Variants in GTF2F2 observed in about 807,000 individuals in gnomAD.
GTF2F2 encodes ATP-dependent helicase GTF2F2.
A neutral mutation model predicts 42.2 loss-of-function variants in GTF2F2; 23 were observed. The ratio of observed to expected loss-of-function variants is 0.55; its 90% confidence interval spans 0.39 to 0.77. The LOEUF is 0.77. Ranked by LOEUF, GTF2F2 falls within the 30% of genes least tolerant of loss-of-function variation. The pLI is 0.00. For missense variants in GTF2F2, 261 were observed against 287.2 expected (o/e 0.91, Z 0.66); for synonymous variants, 105 against 100.8 (o/e 1.04, Z -0.25).
chr13:45,174,641 T>TC (rs1173606411), intron 4 of GTF2F2, among the ~76,000 whole-genome samples: 4 of 149,038 alleles, frequency 2.7e-5, no homozygotes, highest in Admixed American at 2.7e-4. Flanking sequence ...TTTCTTTTTT[T>TC]TTTTTTTTTT....
intron 2 of GTF2F2, among the ~76,000 whole-genome samples, chr13:45,143,789 A>C (rs555070112): frequency 7.2e-5 from 11 of 152,312 alleles, no homozygotes; most frequent in African/African-American, 2.6e-4. Context: ...TTAATACTCG[A>C]AAAAAGGAGA....
At chr13:45,122,830 G>A (rs1284658922) in intron 1 of GTF2F2, among the ~76,000 whole-genome samples, 2 of 151,934 alleles carry the variant, frequency 1.3e-5, no homozygotes, top group African/African-American at 4.8e-5. Flanking sequence ...GATATCTCAC[G>A]GTTTATAGAT....
At chr13:45,182,003 G>A (rs1477122915) in intron 4 of GTF2F2, among the ~76,000 whole-genome samples, 1 of 152,098 alleles carries the variant, frequency 6.6e-6, no homozygotes, top group Non-Finnish European at 1.5e-5. Flanking sequence ...CCGCCCTGCT[G>A]GCTGAAGCTT....
intron 4 of GTF2F2, among the ~76,000 whole-genome samples, chr13:45,197,114 T>G (rs1039813192): frequency 2.6e-5 from 4 of 151,902 alleles, no homozygotes; most frequent in African/African-American, 7.3e-5. Flanking sequence ...CTGGCAACAG[T>G]AGTATAACTG....
At chr13:45,266,561 TTTACTG>T (rs1454712340) in intron 6 of GTF2F2, among the ~76,000 whole-genome samples, 1 of 152,220 alleles carries the variant, frequency 6.6e-6, no homozygotes, top group Non-Finnish European at 1.5e-5. Context: ...GATAAACTGT[TTTACTG>T]TTAATCAAAA....
chr13:45,147,080 T>A (rs1870231280), intron 2 of GTF2F2, among the ~76,000 whole-genome samples: 1 of 152,216 alleles, frequency 6.6e-6, no homozygotes, highest in African/African-American at 2.4e-5. Flanking sequence ...TATAATTATA[T>A]ATGTGTGAAA....
At chr13:45,281,300 C>T (rs1877250161) in intron 7 of GTF2F2, among the ~76,000 whole-genome samples, 2 of 152,116 alleles carry the variant, frequency 1.3e-5, no homozygotes, top group South Asian at 4.1e-4. Context: ...GCTGAGCCAT[C>T]CTGAAGGAAC....
At position 45,283,434 on chromosome 13, in the gene GTF2F2, T is replaced by G. The variant is rs1877344848; in HGVS notation, c.631-8T>G. On this transcript the variant is annotated splice_region_variant and splice_polypyrimidine_tract_variant and intron_variant, in intron 7 of 7. Transcript: ENST00000340473. ...TCTCATTTGTTAGGGGTTTTGTTTT[T>G]GTTTTAGGTGTACCTGAAGGAAATC... 2 of 1,602,980 alleles carry G rather than the reference T, an allele frequency of 1.2e-6. No homozygotes were observed. The highest frequency in any genetic ancestry group is 1.7e-5 in the Admixed American group (1 of 57,400).
intron 5 of GTF2F2, among the ~76,000 whole-genome samples, chr13:45,212,657 C>T (rs949615912): frequency 6.6e-6 from 1 of 151,798 alleles, no homozygotes; most frequent in Admixed American, 6.6e-5. Context: ...CCTCTGCCTC[C>T]CAGGTTCAAA....
intron 1 of GTF2F2, among the ~76,000 whole-genome samples, chr13:45,134,416 T>G (rs1869511958): frequency 6.6e-6 from 1 of 151,980 alleles, no homozygotes; most frequent in South Asian, 2.1e-4. Context: ...ATAACTGAGT[T>G]AACATGGGGG....
At chr13:45,256,843 C>G (rs1876124018) in intron 6 of GTF2F2, among the ~76,000 whole-genome samples, 1 of 151,908 alleles carries the variant, frequency 6.6e-6, no homozygotes, top group African/African-American at 2.4e-5. Flanking sequence ...GAAAGTCTTG[C>G]CAGATAAAGT....
At chr13:45,223,297 A>G (rs552559636) in intron 5 of GTF2F2, among the ~76,000 whole-genome samples, 9 of 148,526 alleles carry the variant, frequency 6.1e-5, no homozygotes, top group African/African-American at 2.0e-4. Flanking sequence ...GTTGATTTTT[A>G]TAATCCAAAA....
chr13:45,223,262 T>TTA (rs1352751648), intron 5 of GTF2F2, among the ~76,000 whole-genome samples: 2 of 96,314 alleles, frequency 2.1e-5, no homozygotes, highest in African/African-American at 7.0e-5. Flanking sequence ...CTTGTCTCAA[T>TTA]AAAAAAAAAA....
chr13:45,268,258 T>C lies in GTF2F2; in HGVS notation c.630+882T>C, dbSNP rs559282479. ...TCAAGAATCTGTTGATTCTTGCTGCTCCATTTATTGGATTCAGAATATGTA... is the reference window on the plus strand; with the variant it reads ...TCAAGAATCTGTTGATTCTTGCTGCCCCATTTATTGGATTCAGAATATGTA... On this transcript the variant is annotated intron_variant, in intron 7 of 7. Coordinates refer to ENST00000340473, the MANE Select transcript of GTF2F2 (RefSeq NM_004128.3). 7.2e-5 allele frequency among the ~76,000 whole-genome samples: 11 copies of C among 152,288 alleles called. No homozygotes were observed. The East Asian group carries it at 1.9e-3, about 27-fold the overall frequency.
chr13:45,194,186 A>C, intron 4 of GTF2F2: 1 of 1,614,020 alleles, frequency 6.2e-7, no homozygotes, highest in Non-Finnish European at 8.5e-7. Flanking sequence ...TCCCACCTGG[A>C]TTTCACTTCC....
chr13:45,278,716 G>A (rs1338297772), intron 7 of GTF2F2, among the ~76,000 whole-genome samples: 2 of 151,514 alleles, frequency 1.3e-5, no homozygotes, highest in South Asian at 2.1e-4. Flanking sequence ...ATCTCTATGC[G>A]GGCTGTGTTA....
At chr13:45,222,588 G>A (rs902758671) in intron 5 of GTF2F2, among the ~76,000 whole-genome samples, 3 of 147,966 alleles carry the variant, frequency 2.0e-5, no homozygotes, top group Admixed American at 1.3e-4. Flanking sequence ...AATACTATAG[G>A]ATGAGCACAT....
intron 5 of GTF2F2, among the ~76,000 whole-genome samples, chr13:45,210,831 T>C (rs1436865167): frequency 6.6e-6 from 1 of 152,232 alleles, no homozygotes; most frequent in Non-Finnish European, 1.5e-5. Flanking sequence ...CTGGGTGGAA[T>C]CTAAAGGGAT....
At chr13:45,232,025 T>G (rs1342472279) in intron 5 of GTF2F2, among the ~76,000 whole-genome samples, 1 of 152,224 alleles carries the variant, frequency 6.6e-6, no homozygotes, top group East Asian at 1.9e-4. Context: ...TTTTTAAATT[T>G]GCTGAATAGA....
Sources: gnomAD v4.1 joint callset for allele counts (sites outside exome capture counted in the v4.1 genomes callset) on GRCh38, gnomAD v4.1.1 for gene constraint, MANE v1.5 for transcripts, NCBI Gene and HGNC (gene_info 2026-07-23, HGNC 2026-07-21) for gene names.